The following PDE4B variants were observed in gnomAD, a reference collection of about 807,000 sequenced individuals.
The protein encoded by PDE4B is 3',5'-cyclic-AMP phosphodiesterase 4B.
Under a neutral mutation model 82.2 loss-of-function variants are expected in PDE4B, and 20 were observed. The observed-to-expected ratio is 0.24, with a 90% confidence interval of 0.17 to 0.35. PDE4B has a LOEUF of 0.35. Ranked by LOEUF, PDE4B falls within the 10% of genes least tolerant of loss-of-function variation. The pLI is 1.00. For missense variants in PDE4B, 655 were observed against 907.2 expected (o/e 0.72, Z 3.57); for synonymous variants, 320 against 318.9 (o/e 1.00, Z -0.04).
intron 1 of PDE4B, among the ~76,000 whole-genome samples, chr1:65,887,234 CTTT>C (rs1557798956): frequency 4.1e-4 from 6 of 14,468 alleles, no homozygotes; most frequent in East Asian, 3.8e-3. Context: ...TTCTTTCTTT[CTTT>C]CTTTCTTTCT....
intron 3 of PDE4B, among the ~76,000 whole-genome samples, chr1:66,129,554 G>A (rs1645892195): frequency 6.7e-6 from 1 of 150,322 alleles, no homozygotes; most frequent in African/African-American, 2.4e-5. Flanking sequence ...CAGCTACTTG[G>A]GAGGCTGAGG....
intron 1 of PDE4B, among the ~76,000 whole-genome samples, chr1:65,862,583 T>G (rs1646466325): frequency 6.6e-6 from 1 of 152,008 alleles, no homozygotes. Flanking sequence ...TAGGGAGGAG[T>G]CCCTCTTTTT....
In PDE4B at chr1:65,924,429, T is replaced by A. The variant is rs116493998; in HGVS notation, c.281+5594T>A. ...TGTTATTAAACCTATTATATTTTTT[T>A]AATTTTGATTATTGTATTTTTACAT... On this transcript the variant is annotated intron_variant, in intron 3 of 16. Coordinates refer to ENST00000341517, the MANE Select transcript of PDE4B (RefSeq NM_002600.4). Among the ~76,000 whole-genome samples the A allele has an allele frequency of 9.5e-4, 144 of 152,298 alleles. 1 individual carries two copies. The highest frequency in any genetic ancestry group is 3.1e-3 in the African/African-American group (127 of 41,552).
At chr1:65,899,586 CA>C (rs34494176) in intron 1 of PDE4B, among the ~76,000 whole-genome samples, 24,139 of 148,908 alleles carry the variant, frequency 0.16, 2,261 homozygotes, top group Middle Eastern at 0.29. Context: ...GCCCATCAAT[CA>C]ACTAGTGGAT....
At chr1:66,229,035 T>C (rs1481881227) in intron 3 of PDE4B, among the ~76,000 whole-genome samples, 2 of 151,746 alleles carry the variant, frequency 1.3e-5, no homozygotes, top group East Asian at 3.9e-4. Context: ...TGAGATGGAG[T>C]CTTGCTCTGT....
At chr1:65,842,212 C>T (rs1390743094) in intron 1 of PDE4B, among the ~76,000 whole-genome samples, 1 of 151,836 alleles carries the variant, frequency 6.6e-6, no homozygotes, top group Non-Finnish European at 1.5e-5. Context: ...ACTTGCCAGA[C>T]ACAAAAAAAC....
intron 3 of PDE4B, among the ~76,000 whole-genome samples, chr1:66,135,747 C>T (rs1202928431): frequency 6.6e-6 from 1 of 152,078 alleles, no homozygotes; most frequent in Non-Finnish European, 1.5e-5. Flanking sequence ...ATAAGTACAG[C>T]TTGAGAGACT....
chr1:66,041,232 T>A (rs1363354366), intron 3 of PDE4B, among the ~76,000 whole-genome samples: 1 of 151,986 alleles, frequency 6.6e-6, no homozygotes, highest in African/African-American at 2.4e-5. Flanking sequence ...AGTGAAATAT[T>A]GTTTATTAAG....
At chr1:65,987,093 C>A (rs553454571) in intron 3 of PDE4B, among the ~76,000 whole-genome samples, 1 of 152,232 alleles carries the variant, frequency 6.6e-6, no homozygotes, top group Non-Finnish European at 1.5e-5. Context: ...CATGTAGGGA[C>A]CTCAAGGCCA....
At chr1:66,345,889 T>G (rs1480531870) in intron 8 of PDE4B, among the ~76,000 whole-genome samples, 1 of 152,158 alleles carries the variant, frequency 6.6e-6, no homozygotes, top group Non-Finnish European at 1.5e-5. Context: ...AAGAACAAAG[T>G]TGTCAGGGAC....
intron 3 of PDE4B, among the ~76,000 whole-genome samples, chr1:66,236,338 A>T (rs933745464): frequency 6.6e-6 from 1 of 152,124 alleles, no homozygotes; most frequent in Admixed American, 6.6e-5. Context: ...CTTGTCATAT[A>T]GTTTACTTCT....
chr1:66,238,822 G>GAATTAAATC (rs1652664793), intron 3 of PDE4B, among the ~76,000 whole-genome samples: 1 of 152,146 alleles, frequency 6.6e-6, no homozygotes, highest in Admixed American at 6.5e-5. Flanking sequence ...AAGTCTTGAA[G>GAATTAAATC]AATTAAATCA....
chr1:66,144,544 GATCCAAAGTTAGAAACTTTAAGCATT>G (rs1275863835), intron 3 of PDE4B, among the ~76,000 whole-genome samples: 1 of 152,166 alleles, frequency 6.6e-6, no homozygotes, highest in Non-Finnish European at 1.5e-5. Flanking sequence ...TATCCGAAAT[GATCCAAAGTTAGAAACTTTAAGCATT>G]AACATGACAC....
At chr1:65,885,814 A>C (rs967446759) in intron 1 of PDE4B, among the ~76,000 whole-genome samples, 5 of 151,292 alleles carry the variant, frequency 3.3e-5, no homozygotes, top group Admixed American at 6.6e-5. Context: ...TACATATGTA[A>C]CAAACCTGCA....
intron 7 of PDE4B, among the ~76,000 whole-genome samples, chr1:66,274,308 G>A (rs1181956458): frequency 6.6e-6 from 1 of 150,772 alleles, no homozygotes; most frequent in East Asian, 1.9e-4. Flanking sequence ...TTACAGGTAT[G>A]CGTCACAACA....
chr1:65,885,001 A>G (rs1179283666), intron 1 of PDE4B, among the ~76,000 whole-genome samples: 1 of 152,242 alleles, frequency 6.6e-6, no homozygotes, highest in Non-Finnish European at 1.5e-5. Context: ...AAATAACTCA[A>G]ATAAATTTAC....
chr1:66,240,499 A>G (rs1234152137), intron 3 of PDE4B, among the ~76,000 whole-genome samples: 1 of 152,178 alleles, frequency 6.6e-6, no homozygotes, highest in Non-Finnish European at 1.5e-5. Flanking sequence ...GACAACCTAC[A>G]TGGCTGGATA....
chr1:66,132,873 G>T (rs1645978613), intron 3 of PDE4B, among the ~76,000 whole-genome samples: 1 of 152,210 alleles, frequency 6.6e-6, no homozygotes, highest in Non-Finnish European at 1.5e-5. Flanking sequence ...AGACCCCAGA[G>T]AAGACCAAGG....
intron 1 of PDE4B, among the ~76,000 whole-genome samples, chr1:65,862,920 G>A (rs776121492): frequency 5.3e-5 from 8 of 152,072 alleles, no homozygotes; most frequent in Non-Finnish European, 1.0e-4. Context: ...TTTTTATTGT[G>A]TCTATTTGAT....
Sources: gnomAD v4.1 joint callset for allele counts (sites outside exome capture counted in the v4.1 genomes callset) on GRCh38, gnomAD v4.1.1 for gene constraint, MANE v1.5 for transcripts, NCBI Gene and HGNC (gene_info 2026-07-23, HGNC 2026-07-21) for gene names.